C5: variants seen among roughly 807,000 people sequenced by gnomAD.
C5 encodes complement C5.
In C5, 140 loss-of-function variants were observed where a neutral mutation model predicts 218.8. That is an observed-to-expected ratio of 0.64 (90% CI 0.56 to 0.74). The LOEUF is 0.74. Ranked by LOEUF, C5 falls within the 30% of genes least tolerant of loss-of-function variation. The pLI, the probability that C5 is intolerant of heterozygous loss-of-function variation, is 0.00. For synonymous variants in C5, 614 were observed against 682.3 expected, an observed-to-expected ratio of 0.90 and a Z score of 1.56; for missense variants, 1,700 against 1,969.6, an observed-to-expected ratio of 0.86 and a Z score of 2.59.
At chr9:121,035,058 T>A (rs1275878571) in intron 4 of C5, among the ~76,000 whole-genome samples, 164 bp from the exon 5 acceptor site, 1 of 152,218 alleles carries the variant, frequency 6.6e-6, no homozygotes, top group Non-Finnish European at 1.5e-5. Context: ...TTAAATGTTA[T>A]AGAAGGGAAA....
intron 20 of C5, among the ~76,000 whole-genome samples, chr9:121,002,321 T>TATATATAC (rs2047178243): frequency 9.1e-6 from 1 of 109,914 alleles, no homozygotes; most frequent in African/African-American, 4.0e-5. Flanking sequence ...TGTGTGTATA[T>TATATATAC]ATATATATAT....
At chr9:121,057,883 G>A in the C5 span, among the ~76,000 whole-genome samples, 1 of 152,086 alleles carries the variant, frequency 6.6e-6, no homozygotes, top group East Asian at 1.9e-4. Context: ...AGTAGATTCC[G>A]TGTAACCTAC....
chr9:121,045,747 A>G (rs895691312), intron 2 of C5, among the ~76,000 whole-genome samples: 1 of 152,166 alleles, frequency 6.6e-6, no homozygotes, highest in Admixed American at 6.5e-5. Context: ...TTTAGTAATC[A>G]CAAATTTTTT....
At chr9:121,037,657 G>A (rs2047539541) in intron 4 of C5, among the ~76,000 whole-genome samples, 2 of 152,028 alleles carry the variant, frequency 1.3e-5, no homozygotes, top group East Asian at 1.9e-4. Context: ...TACTTAAATG[G>A]TTTAGCTCAA....
At chr9:121,033,141 A>C (rs571633360) in intron 5 of C5, among the ~76,000 whole-genome samples, 1 of 152,226 alleles carries the variant, frequency 6.6e-6, no homozygotes, top group East Asian at 1.9e-4. Flanking sequence ...CACAAATGTT[A>C]ATAGTATTAT....
chr9:121,002,320 A>ATGTG (rs1564146785), intron 20 of C5, among the ~76,000 whole-genome samples: 1 of 69,624 alleles, frequency 1.4e-5, no homozygotes, highest in Non-Finnish European at 3.0e-5. Flanking sequence ...GTGTGTGTAT[A>ATGTG]TATATATATA....
intron 33 of C5, among the ~76,000 whole-genome samples, chr9:120,964,979 G>A (rs1418523409): frequency 1.3e-5 from 2 of 152,182 alleles, no homozygotes; most frequent in African/African-American, 4.8e-5. Context: ...GACAGACGGA[G>A]TGTGATTCTG....
At chr9:121,071,274 C>G in the C5 span, among the ~76,000 whole-genome samples, 1 of 151,934 alleles carries the variant, frequency 6.6e-6, no homozygotes, top group Admixed American at 6.6e-5. Flanking sequence ...GAGCCATGAT[C>G]GTGCTACTGC....
At position 120,989,643 on chromosome 9, in the gene C5, T is replaced by C; in HGVS notation, c.3079A>G (p.Thr1027Ala). ...TGAAAAATGTTCCAATGATTTCCTGTTTCCAGGTAGTGAAAAACATAGAAT... is the reference window on the plus strand; with the variant it reads ...TGAAAAATGTTCCAATGATTTCCTGCTTCCAGGTAGTGAAAAACATAGAAT... ...PVFYVFHYLETGNHWNIFHSD... is the reference protein window; with the variant it reads ...PVFYVFHYLEAGNHWNIFHSD... The change falls in exon 24 of 41, where the codon ACA becomes GCA. Residue 1027 changes from threonine (T) to alanine (A), a missense_variant. Coordinates refer to ENST00000223642, the MANE Select transcript of C5 (RefSeq NM_001735.3). 6.2e-7 allele frequency: 1 copy of C among 1,613,976 alleles called. No individual in the cohort carries two copies. Among genetic ancestry groups the C allele is most frequent in the Non-Finnish European group, 8.5e-7 (1 of 1,179,862 alleles).
At chr9:121,068,186 T>C in the C5 span, among the ~76,000 whole-genome samples, 1 of 152,080 alleles carries the variant, frequency 6.6e-6, no homozygotes, top group African/African-American at 2.4e-5. Context: ...AAGGAAGAGG[T>C]AAAATTATTT....
At chr9:121,010,283 A>C (rs2047251142) in intron 17 of C5, among the ~76,000 whole-genome samples, 3 of 152,362 alleles carry the variant, frequency 2.0e-5, no homozygotes, top group South Asian at 2.1e-4. Flanking sequence ...TGAATTCAAT[A>C]AAGTTGCAGG....
At chr9:120,954,909 G>T (rs979982479) in intron 39 of C5, among the ~76,000 whole-genome samples, 3 of 152,204 alleles carry the variant, frequency 2.0e-5, no homozygotes, top group Non-Finnish European at 4.4e-5. Flanking sequence ...AGTACTATCT[G>T]CCATTTCAGC....
rs1225008118 is a variant in C5 at position 121,008,418 on chromosome 9, C to T, written c.2338G>A (p.Val780Ile). 6.2e-7 allele frequency: 1 copy of T among 1,611,632 alleles called. No homozygotes were observed. Among genetic ancestry groups the T allele is most frequent in the South Asian group, 1.1e-5 (1 of 91,026 alleles). ...AAAGAAGTATAATACCTTCTGGGAA[C>T]AAGATGAACTTCCCACAACCAGCTT... ...PESWLWEVHL[V>I]PRRKQLQFAL... Residue 780 changes from valine to isoleucine, a missense_variant, in exon 18 of 41, where the codon GTT becomes ATT. By Grantham distance (29) the Val-to-Ile change is conservative (BLOSUM62 3). Transcript: ENST00000223642.
intron 4 of C5, among the ~76,000 whole-genome samples, chr9:121,035,413 C>T (rs10760139): frequency 0.75 from 113,908 of 152,090 alleles, 43,044 homozygotes; most frequent in East Asian, 0.96. Flanking sequence ...ACAAACTTGA[C>T]AGTTCTCGTA....
intron 2 of C5, among the ~76,000 whole-genome samples, chr9:121,044,545 A>G (rs546308123): frequency 1.3e-5 from 2 of 152,340 alleles, no homozygotes; most frequent in South Asian, 4.1e-4. Context: ...TGTAGCACGT[A>G]ATAAATGAGA....
chr9:120,971,818 C>T (rs1195988220), intron 31 of C5, 112 bp downstream of exon 31: 8 of 772,872 alleles, frequency 1.0e-5, no homozygotes, highest in Admixed American at 1.9e-5. Flanking sequence ...CCACTTTAGT[C>T]ATGGTTACCC....
intron 27 of C5, 137 bp downstream of exon 27, chr9:120,981,707 G>T (rs1039686464): frequency 6.0e-6 from 4 of 667,532 alleles, no homozygotes; most frequent in Non-Finnish European, 1.1e-5. Flanking sequence ...TTTCAATTCT[G>T]GAGTTTAAGT....
chr9:121,028,229 C>T (rs1483116381), intron 7 of C5, among the ~76,000 whole-genome samples: 1 of 152,214 alleles, frequency 6.6e-6, no homozygotes, highest in Non-Finnish European at 1.5e-5. Context: ...AATAGGAACG[C>T]TTTTACACTG....
At chr9:121,008,123 G>A (rs368919498) in intron 18 of C5, among the ~76,000 whole-genome samples, 1 of 152,148 alleles carries the variant, frequency 6.6e-6, no homozygotes, top group African/African-American at 2.4e-5. Flanking sequence ...GCTTAATATA[G>A]TGTATCGCAC....
Sources: gnomAD v4.1 joint callset for allele counts (sites outside exome capture counted in the v4.1 genomes callset) on GRCh38, gnomAD v4.1.1 for gene constraint, MANE v1.5 for transcripts, NCBI Gene and HGNC (gene_info 2026-07-23, HGNC 2026-07-21) for gene names.